Variants in FNIP2 observed in about 807,000 individuals in gnomAD.
The protein encoded by FNIP2 is folliculin-interacting protein 2.
In FNIP2, 32 loss-of-function variants were observed where a neutral mutation model predicts 108.7. The observed-to-expected ratio is 0.29, with a 90% CI of 0.22 to 0.40. The LOEUF (loss-of-function observed/expected upper bound fraction) is 0.40. FNIP2 is among the 10% of genes least tolerant of loss of function. The pLI, the probability that FNIP2 is intolerant of heterozygous loss-of-function variation, is 1.00. For missense variants in FNIP2, 1,202 were observed against 1,381.6 expected (o/e 0.87, Z 2.06); for synonymous variants, 480 against 496.7 (o/e 0.97, Z 0.45).
At chr4:158,826,076 T>A in intron 2 of FNIP2, 34 bp downstream of exon 2, 5 of 1,592,774 alleles carry the variant, frequency 3.1e-6, no homozygotes, top group Non-Finnish European at 4.3e-6. Flanking sequence ...TCCTTTTCTT[T>A]TGTGCTTTTA....
chr4:158,887,751 A>AAC (rs955061599), intron 14 of FNIP2, among the ~76,000 whole-genome samples: 6 of 151,536 alleles, frequency 4.0e-5, no homozygotes, highest in Non-Finnish European at 5.9e-5. Context: ...AAAAAAAAAA[A>AAC]AAAAAACCCA....
At chr4:158,845,264 T>C (rs949955413) in intron 7 of FNIP2, among the ~76,000 whole-genome samples, 3 of 152,210 alleles carry the variant, frequency 2.0e-5, no homozygotes, top group South Asian at 2.1e-4. Flanking sequence ...GAGGTACCAA[T>C]TGGAGAATTT....
chr4:158,805,315 C>G (rs1207037744), intron 1 of FNIP2, among the ~76,000 whole-genome samples: 1 of 152,140 alleles, frequency 6.6e-6, no homozygotes. Context: ...TTCCAGGGAT[C>G]TTGATTTTTA....
intron 8 of FNIP2, among the ~76,000 whole-genome samples, chr4:158,853,007 GACTAAAAAGAA>G (rs1334547155): frequency 1.3e-5 from 2 of 151,838 alleles, no homozygotes; most frequent in Admixed American, 6.6e-5. Context: ...TTATTAAAGG[GACTAAAAAGAA>G]AAAAAGTTTT....
At chr4:158,874,242 C>T (rs528163873) in intron 14 of FNIP2, among the ~76,000 whole-genome samples, 67 of 152,266 alleles carry the variant, frequency 4.4e-4, no homozygotes, top group Admixed American at 3.7e-3. Context: ...TGGTTCACCC[C>T]TTAGTGGCTT....
chr4:158,776,223 A>G (rs1578811067), intron 1 of FNIP2, among the ~76,000 whole-genome samples: 1 of 152,360 alleles, frequency 6.6e-6, no homozygotes, highest in African/African-American at 2.4e-5. Context: ...TTAAGAACCT[A>G]CATATCTGGT....
intron 1 of FNIP2, among the ~76,000 whole-genome samples, chr4:158,786,819 T>A (rs1178627474): frequency 6.6e-6 from 1 of 152,230 alleles, no homozygotes; most frequent in Non-Finnish European, 1.5e-5. Flanking sequence ...AGGGTTTCTT[T>A]GTCCTTATGA....
chr4:158,895,564 T>A (rs1329846141), intron 15 of FNIP2, among the ~76,000 whole-genome samples, 186 bp from the exon 16 acceptor site: 4 of 152,238 alleles, frequency 2.6e-5, no homozygotes, highest in Non-Finnish European at 5.9e-5. Context: ...AAACTTTGTT[T>A]TACAAGAACC....
At chr4:158,904,410 T>A in intron 16 of FNIP2, 56 bp from the exon 17 acceptor site, 1 of 1,407,440 alleles carries the variant, frequency 7.1e-7, no homozygotes, top group Non-Finnish European at 1.0e-6. Flanking sequence ...AAATAATACT[T>A]TCTCATAAAA....
intron 7 of FNIP2, among the ~76,000 whole-genome samples, chr4:158,840,880 C>T (rs532930914): frequency 6.6e-6 from 1 of 152,192 alleles, no homozygotes; most frequent in East Asian, 1.9e-4. Context: ...TGCATTTCCT[C>T]TGTTCTTAAA....
At chr4:158,893,358 G>T in intron 15 of FNIP2, 1 of 212,762 alleles carries the variant, frequency 4.7e-6, no homozygotes, top group Admixed American at 5.5e-5. Context: ...TGCAAAGCTG[G>T]GGAAATAATA....
At chr4:158,809,732 T>G (rs1777170753) in intron 1 of FNIP2, among the ~76,000 whole-genome samples, 1 of 152,210 alleles carries the variant, frequency 6.6e-6, no homozygotes, top group South Asian at 2.1e-4. Context: ...CCTTACACAC[T>G]GAAAAGGAAC....
At chr4:158,782,293 T>G (rs539315522) in intron 1 of FNIP2, among the ~76,000 whole-genome samples, 6 of 152,330 alleles carry the variant, frequency 3.9e-5, no homozygotes, top group Admixed American at 2.0e-4. Context: ...ATATGATATA[T>G]GATATCAGCA....
chr4:158,841,028 G>A (rs969719452), intron 7 of FNIP2, among the ~76,000 whole-genome samples: 1 of 152,112 alleles, frequency 6.6e-6, no homozygotes, highest in South Asian at 2.1e-4. Context: ...ATGTGTTTTG[G>A]TCACTCTGCA....
In FNIP2 at chr4:158,904,758, T is replaced by G. The variant is rs1729681985; in HGVS notation, c.*214T>G. Reference sequence around the variant, plus strand: ...TAGCATTTGTGATTGTCGTGAACACTTTAGGCCATTTGTTACCCATGAATC... The same window carrying G: ...TAGCATTTGTGATTGTCGTGAACACGTTAGGCCATTTGTTACCCATGAATC... On this transcript the variant is annotated 3_prime_UTR_variant, in exon 17 of 17. Coordinates refer to ENST00000264433, the MANE Select transcript of FNIP2 (RefSeq NM_020840.3). The G allele has an allele frequency of 5.7e-6, 3 of 528,394 alleles. No homozygotes were observed. The highest frequency in any genetic ancestry group is 6.3e-5 in the Admixed American group (2 of 31,628). The allele number at this position is 528,394 out of a possible 1,614,324, so 32.7% of individuals were successfully genotyped here.
At chr4:158,815,616 G>A (rs1053668638) in intron 1 of FNIP2, among the ~76,000 whole-genome samples, 8 of 151,898 alleles carry the variant, frequency 5.3e-5, no homozygotes, top group African/African-American at 1.7e-4. Context: ...CGCCAGCCTC[G>A]GCCTCCCAAA....
chr4:158,882,481 AC>A (rs1288098903), intron 14 of FNIP2, among the ~76,000 whole-genome samples: 11 of 152,144 alleles, frequency 7.2e-5, no homozygotes, highest in Admixed American at 2.0e-4. Context: ...CCTGGCCGCC[AC>A]CCCGTCTGGG....
Position 158,829,125 on chromosome 4 carries a change from G to A in FNIP2, c.281G>A (p.Gly94Glu), listed in dbSNP as rs749956584. The change falls in exon 3 of 17, where the codon GGA (glycine) becomes GAA (glutamate). Residue 94 changes from glycine (G) to glutamate (E), a missense_variant. By Grantham distance (98) the Gly-to-Glu change is moderately conservative. Transcript: ENST00000264433. ...AAAATATCAGCCAAGTGCTGCCAGG[G>A]AAGCAGCAGTGTCAGCAGCAGTAGC... is the stretch of plus-strand genomic sequence containing the variant. ...PIKISAKCCQ[G>E]SSSVSSSSSS... 1.9e-6 allele frequency: 3 copies of A among 1,612,008 alleles called. No homozygotes were observed. Among genetic ancestry groups the A allele is most frequent in the Non-Finnish European group, 1.7e-6 (2 of 1,178,888 alleles).
chr4:158,885,104 C>T (rs570523336), intron 14 of FNIP2, among the ~76,000 whole-genome samples: 6 of 152,044 alleles, frequency 3.9e-5, no homozygotes, highest in East Asian at 1.9e-4. Flanking sequence ...TGCAGTGAGC[C>T]GAGATTGTGC....
Sources: gnomAD v4.1 joint callset for allele counts (sites outside exome capture counted in the v4.1 genomes callset) on GRCh38, gnomAD v4.1.1 for gene constraint, MANE v1.5 for transcripts, NCBI Gene and HGNC (gene_info 2026-07-23, HGNC 2026-07-21) for gene names.